UBR4: variants seen among roughly 807,000 people sequenced by gnomAD.
The protein encoded by UBR4 is E3 ubiquitin-protein ligase UBR4.
UBR4 carries 124 observed loss-of-function variants against 575.6 expected under a neutral mutation model. The observed-to-expected ratio is 0.22, with a 90% CI of 0.19 to 0.25. The LOEUF is 0.25. Among genes scored for constraint, UBR4 ranks in the 10% least tolerant of loss-of-function variants. The probability of loss-of-function intolerance (pLI) is 1.00; values close to 1 mark genes in which losing one functional copy is unlikely to be tolerated. For synonymous variants in UBR4, 2,455 were observed against 2,473.7 expected, an observed-to-expected ratio of 0.99 and a Z score of 0.22; for missense variants, 4,818 against 6,478.8, an observed-to-expected ratio of 0.74 and a Z score of 8.80.
intron 71 of UBR4, 169 bp from the exon 72 acceptor site, chr1:19,118,079 G>A (rs1056923219): frequency 2.2e-5 from 13 of 584,510 alleles, no homozygotes; most frequent in South Asian, 4.2e-5. Context: ...ATAGGGTTAC[G>A]AAGCCACAGG....
At chr1:19,141,232 T>A in intron 57 of UBR4, 115 bp downstream of exon 57, 1 of 1,431,478 alleles carries the variant, frequency 7.0e-7, no homozygotes, top group Non-Finnish European at 9.6e-7. Flanking sequence ...CTCACCCAGA[T>A]CAACCTCTCC....
In UBR4 at chr1:19,112,370, A is replaced by G. The variant is rs1275920434; in HGVS notation, c.11801+154T>C. On this transcript the variant is annotated intron_variant, in intron 78 of 105. Transcript: ENST00000375254. ...CAATGCTCCCCAAGCTCGCTCACCT[A>G]CACCCTGTGTCTCTTTCCATCTTTC... 9 of 879,040 alleles carry G rather than the reference A, an allele frequency of 1.0e-5. No individual in the cohort carries two copies. In the East Asian group the frequency reaches 1.8e-4, roughly 18 times the overall value. 54.5% of individuals were successfully genotyped at this position (879,040 alleles called of 1,614,324 possible). A position where few individuals can be genotyped will look rare whatever the true frequency, so the allele number is the denominator to read the frequency against.
chr1:19,209,925 G>C, intron 1 of UBR4, 148 bp downstream of exon 1: 1 of 1,321,060 alleles, frequency 7.6e-7, no homozygotes, highest in Non-Finnish European at 9.7e-7. Context: ...AGGCAAGCCA[G>C]TCTCCCCGGG....
At chr1:19,101,039 T>G (rs1277508918) in intron 88 of UBR4, among the ~76,000 whole-genome samples, 1 of 152,100 alleles carries the variant, frequency 6.6e-6, no homozygotes, top group Non-Finnish European at 1.5e-5. Context: ...TAGCTCATGA[T>G]ACTAGTGTTC....
intron 1 of UBR4, among the ~76,000 whole-genome samples, chr1:19,206,202 G>A (rs1289161887): frequency 6.6e-6 from 1 of 152,168 alleles, no homozygotes; most frequent in Non-Finnish European, 1.5e-5. Flanking sequence ...GTGGGAGCCT[G>A]TAGTCTAGCT....
intron 61 of UBR4, among the ~76,000 whole-genome samples, 193 bp downstream of exon 61, chr1:19,128,785 A>C (rs2082099243): frequency 6.6e-6 from 1 of 152,228 alleles, no homozygotes; most frequent in African/African-American, 2.4e-5. Flanking sequence ...TTGTGCATTT[A>C]AAAAATTCTC....
chr1:19,177,590 G>A lies in UBR4; in HGVS notation c.2508C>T (p.Ile836=). Residue 836 remains isoleucine (I), a synonymous_variant, in exon 19 of 106, where the codon ATC becomes ATT. Transcript: ENST00000375254. ...CCATGTTGACGCTCAACTCCTGGAT[G>A]ATCTGGACAAAAAGCGACAATATGG... ...RRAILSLFVQ[I]IQELSVNMDA... 6.2e-7 allele frequency: 1 copy of A among 1,613,900 alleles called. No homozygotes were observed. Among genetic ancestry groups the A allele is most frequent in the Non-Finnish European group, 8.5e-7 (1 of 1,179,978 alleles).
chr1:19,184,243 T>C (rs1025023448), intron 15 of UBR4, 68 bp from the exon 16 acceptor site: 50 of 1,507,752 alleles, frequency 3.3e-5, no homozygotes, highest in Non-Finnish European at 4.3e-5. Context: ...AAACTCTGAT[T>C]ACAAATAGAA....
chr1:19,119,153 T>C (rs1014019042), intron 70 of UBR4, among the ~76,000 whole-genome samples, 196 bp from the exon 71 acceptor site: 13 of 152,256 alleles, frequency 8.5e-5, no homozygotes, highest in Admixed American at 7.2e-4. Context: ...TGAGCTTTAG[T>C]GATAGGTAGT....
chr1:19,166,391 C>T (rs1457997769), intron 29 of UBR4, among the ~76,000 whole-genome samples: 1 of 151,938 alleles, frequency 6.6e-6, no homozygotes, highest in Non-Finnish European at 1.5e-5. Flanking sequence ...TCCATCTCAT[C>T]AGAGCTAGTG....
intron 48 of UBR4, 118 bp from the exon 49 acceptor site, chr1:19,150,911 G>C (rs1381463883): frequency 1.0e-6 from 1 of 975,134 alleles, no homozygotes; most frequent in Admixed American, 2.3e-5. Flanking sequence ...TAGACATAGA[G>C]AAACTTTATC....
chr1:19,146,202 C>A, intron 52 of UBR4: 2 of 963,836 alleles, frequency 2.1e-6, no homozygotes, highest in South Asian at 1.7e-5. Flanking sequence ...ATCTCAGTTC[C>A]AACTGTTCAA....
intron 8 of UBR4, among the ~76,000 whole-genome samples, chr1:19,194,647 C>T (rs2092339170): frequency 6.6e-6 from 1 of 151,840 alleles, no homozygotes; most frequent in Non-Finnish European, 1.5e-5. Flanking sequence ...ACTAAAAATG[C>T]AAAAATTAGC....
In UBR4 at chr1:19,161,128, G is replaced by A. The variant is rs765878102; in HGVS notation, c.5195C>T (p.Pro1732Leu). 3 of 1,614,022 alleles carry A rather than the reference G, an allele frequency of 1.9e-6. No homozygotes were observed. The highest frequency in any genetic ancestry group is 2.5e-6 in the Non-Finnish European group (3 of 1,180,000). Residue 1732 changes from proline to leucine, a missense_variant, in exon 38 of 106, where the codon CCT (proline) becomes CTT (leucine). By Grantham distance (98) the Pro-to-Leu change is moderately conservative. Coordinates refer to ENST00000375254, the MANE Select transcript of UBR4 (RefSeq NM_020765.3). Reference sequence around the variant, plus strand: ...CATGGTAGAGCTCATGCCACTGCTAGGAGTTCTCTTCACCAGAGCCTAGGG... The same window carrying A: ...CATGGTAGAGCTCATGCCACTGCTAAGAGTTCTCTTCACCAGAGCCTAGGG... ...GSCLALVKRT[P>L]SSGMSSTMKE...
At position 19,179,174 on chromosome 1, in the gene UBR4, G is replaced by A. The variant is rs534650345; in HGVS notation, c.2231C>T (p.Pro744Leu). ...TTGAGGGTGAATGTACAAGGGCCAA[G>A]GGCCCTCAGAAAAAGGAGCCACTCC... is the stretch of plus-strand genomic sequence containing the variant. Reference protein sequence around the residue: ...QLGVAPFSEGPWPLYIHPQSL... With the variant: ...QLGVAPFSEGLWPLYIHPQSL... Residue 744 changes from proline (P) to leucine (L), a missense_variant, in exon 18 of 106, where the codon CCT becomes CTT. This residue lies in a region of UBR4 where 1,172 missense variants were observed against 1,259.7 expected (regional missense o/e 0.93). Transcript: ENST00000375254. The A allele has an allele frequency of 1.9e-6, 3 of 1,594,344 alleles. No individual in the cohort carries two copies. In the South Asian group the frequency reaches 3.4e-5, roughly 18 times the overall value.
At chr1:19,137,235 G>A (rs2083299602) in intron 60 of UBR4, among the ~76,000 whole-genome samples, 1 of 151,838 alleles carries the variant, frequency 6.6e-6, no homozygotes. Flanking sequence ...GGGAGGTTGA[G>A]GCTGCAGTGA....
chr1:19,153,319 G>A lies in UBR4; in HGVS notation c.6814C>T (p.Arg2272Cys), dbSNP rs1209286259. Residue 2272 changes from arginine (R) to cysteine (C), a missense_variant, in exon 46 of 106, where the codon CGC becomes TGC. Coordinates refer to ENST00000375254, the MANE Select transcript of UBR4 (RefSeq NM_020765.3). The surrounding 1 kb of genome is among the most constrained non-coding windows in gnomAD (Gnocchi z 4.1). The part of the protein sequence containing the change: ...VISIMKPVRK[R>C]KTATITTRTS... ...GCCTTACTGATTGTAGCTGTTTTGC[G>A]CTTTCGAACAGGCTTCATGATGCTG... is the stretch of plus-strand genomic sequence containing the variant. 8 of 1,614,052 alleles carry A rather than the reference G, an allele frequency of 5.0e-6. No individual in the cohort carries two copies. Among genetic ancestry groups the A allele is most frequent in the East Asian group, 2.2e-5 (1 of 44,896 alleles).
chr1:19,141,405 T>C lies in UBR4; in HGVS notation c.8430A>G (p.Ala2810=), dbSNP rs778619001. The part of the protein sequence containing the change: ...FPPMLDIPPD[A]DDETMVELAI... ...CTAGTTCAACCATGGTCTCGTCATCTGCATCAGGTGGGATGTCCAGCATGG... is the reference window on the plus strand; with the variant it reads ...CTAGTTCAACCATGGTCTCGTCATCCGCATCAGGTGGGATGTCCAGCATGG... Residue 2810 remains alanine, a synonymous_variant, in exon 57 of 106, where the codon GCA becomes GCG. Coordinates refer to ENST00000375254, the MANE Select transcript of UBR4 (RefSeq NM_020765.3). The C allele has an allele frequency of 9.3e-6, 15 of 1,614,150 alleles. No individual in the cohort carries two copies. The Admixed American group carries it at 2.5e-4, about 27-fold the overall frequency.
chr1:19,197,977 C>G lies in UBR4; in HGVS notation c.721G>C (p.Ala241Pro). 6.2e-7 allele frequency: 1 copy of G among 1,614,148 alleles called. No individual in the cohort carries two copies. ...TCTTGAAGACTAGCCACGTTCTGAG[C>G]TATGAACACATTCTTGGTTTTGATA... ...SAIKTKNVFI[A>P]QNVASLQELG... is the part of the protein sequence containing the mutation. The change falls in exon 6 of 106, where the codon GCT becomes CCT. Residue 241 changes from alanine to proline, a missense_variant. Ala to Pro is a conservative substitution (Grantham distance 27). This residue lies in a region of UBR4 where 83 missense variants were observed against 77.3 expected (regional missense o/e 1.07). Transcript: ENST00000375254.
Sources: allele counts gnomAD v4.1 joint callset (sites outside exome capture counted in the v4.1 genomes callset), GRCh38; gene constraint gnomAD v4.1.1; regional missense constraint gnomAD v4.1.1; non-coding constraint Gnocchi (gnomAD v3.1); transcripts MANE v1.5; gene names NCBI Gene and HGNC (gene_info 2026-07-23, HGNC 2026-07-21).